The following GTF2F1 variants were observed in gnomAD, a reference collection of about 807,000 sequenced individuals.
GTF2F1 encodes the protein general transcription factor IIF 74 kDa subunit.
A neutral mutation model predicts 63.5 loss-of-function variants in GTF2F1; 39 were observed. The observed-to-expected ratio is 0.61, with a 90% CI of 0.48 to 0.80. GTF2F1 has a LOEUF of 0.80. Among genes scored for constraint, GTF2F1 ranks in the 30% least tolerant of loss-of-function variants. GTF2F1 has a pLI of 0.00. For missense variants in GTF2F1, 657 were observed against 718.3 expected (o/e 0.91, Z 0.97); for synonymous variants, 287 against 285.3 (o/e 1.01, Z -0.06).
intron 3 of GTF2F1, among the ~76,000 whole-genome samples, chr19:6,390,084 C>T (rs977609682): frequency 2.6e-5 from 4 of 152,164 alleles, no homozygotes; most frequent in African/African-American, 9.7e-5. Context: ...TGCTGTGGCT[C>T]ACACCTGTAA....
rs1448489564 is a variant in GTF2F1 at position 6,380,328 on chromosome 19, C to T, written c.1507G>A (p.Glu503Lys). The T allele has an allele frequency of 6.8e-6, 11 of 1,614,000 alleles. No individual in the cohort carries two copies. Among genetic ancestry groups the T allele is most frequent in the Admixed American group, 1.7e-5 (1 of 59,974 alleles). ...ATTTTGTCGTTGATCATCTTGCGCT[C>T]GGGGTTGAGTCGCTTGAGGATCTGG... is the stretch of plus-strand genomic sequence containing the variant. The part of the protein sequence containing the change: ...LAQILKRLNP[E>K]RKMINDKMHF... Residue 503 changes from glutamate to lysine, a missense_variant, in exon 13 of 13, where the codon GAG (glutamate) becomes AAG (lysine). Transcript: ENST00000394456. This position sits in a 1 kb window ranked among gnomAD's most constrained non-coding sequence, Gnocchi z 5.3.
chr19:6,385,186 G>A (rs1212903827), intron 5 of GTF2F1, among the ~76,000 whole-genome samples: 2 of 151,964 alleles, frequency 1.3e-5, no homozygotes, highest in African/African-American at 4.8e-5. Context: ...CTTGAGGCCA[G>A]GAGTTGGAGA....
At chr19:6,388,855 G>T (rs1363906099) in intron 4 of GTF2F1, among the ~76,000 whole-genome samples, 1 of 152,102 alleles carries the variant, frequency 6.6e-6, no homozygotes, top group Admixed American at 6.6e-5. Flanking sequence ...TGCTGAGGTG[G>T]GAAGATCTCG....
rs377485256 is a variant in GTF2F1, at chr19:6,381,236, G to C, written c.1019-41C>G. The stretch of plus-strand genomic sequence containing the variant: ...AAGGGGTCAGGGCCAGAGCAACCCC[G>C]GGACCCGGTGCCCACTGGTGCCTCC... On this transcript the variant is annotated intron_variant, in intron 9 of 12. Coordinates refer to ENST00000394456, the MANE Select transcript of GTF2F1 (RefSeq NM_002096.3). The surrounding 1 kb of genome is among the most constrained non-coding windows in gnomAD (Gnocchi z 4.1). 8 of 1,576,252 alleles carry C rather than the reference G, an allele frequency of 5.1e-6. No individual in the cohort carries two copies. Among genetic ancestry groups the C allele is most frequent in the Admixed American group, 3.7e-5 (2 of 53,992 alleles).
At chr19:6,385,269 T>C (rs1702600211) in intron 5 of GTF2F1, among the ~76,000 whole-genome samples, 1 of 151,218 alleles carries the variant, frequency 6.6e-6, no homozygotes, top group South Asian at 2.1e-4. Flanking sequence ...GAGGTGCACG[T>C]GTGTAGTCCC....
chr19:6,387,624 G>A lies in GTF2F1; in HGVS notation c.327-65C>T, dbSNP rs111231626. ...AGCCCCAGCCCCCCCGTGTCCCCCC[G>A]GGGCCTGCCTCCTTTATGGCACTTG... On this transcript the variant is annotated intron_variant, in intron 4 of 12. Transcript: ENST00000394456. The A allele has an allele frequency of 2.1e-3, 2,549 of 1,224,988 alleles. 74 individuals carry two copies. The African/African-American group carries it at 0.032, about 15-fold the overall frequency. 75.9% of individuals were successfully genotyped at this position (1,224,988 alleles called of 1,614,324 possible).
In GTF2F1 at chr19:6,387,388, CCT is replaced by C. The variant is rs1356008380; in HGVS notation, c.496_497del (p.Arg166GlufsTer25). 6.2e-7 allele frequency: 1 copy of C among 1,613,754 alleles called. No homozygotes were observed. Among genetic ancestry groups the C allele is most frequent in the Non-Finnish European group, 8.5e-7 (1 of 1,179,814 alleles). On this transcript the variant is annotated frameshift_variant and splice_region_variant, in exon 5 of 13. Transcript: ENST00000394456. LOFTEE classifies it high-confidence loss of function. ...TAEEAEEEWE[R>X]RNKVLNHFSI... ...CCCCAGCCACCACCCAGCCCACTCACCTCTCCCACTCCTCCTCGGCCTCCTCG... is the reference window on the plus strand; with the variant it reads ...CCCCAGCCACCACCCAGCCCACTCACCTCCCACTCCTCCTCGGCCTCCTCG...
chr19:6,384,461 T>C (rs892947668), intron 5 of GTF2F1, among the ~76,000 whole-genome samples: 7 of 151,536 alleles, frequency 4.6e-5, no homozygotes, highest in African/African-American at 1.7e-4. Context: ...TAAGCTAAGA[T>C]TGCCCCACAG....
rs201510017 is a variant in GTF2F1, at chr19:6,387,436, G to C, written c.450C>G (p.Ala150=). Residue 150 remains alanine, a synonymous_variant, in exon 5 of 13, where the codon GCC becomes GCG. Coordinates refer to ENST00000394456, the MANE Select transcript of GTF2F1 (RefSeq NM_002096.3). The part of the protein sequence containing the change: ...VHNWYNFTPL[A]RHRTLTAEEA... Reference sequence around the variant, plus strand: ...CCTCGGCAGTGAGCGTGCGATGCCGGGCCAGCGGTGTGAAATTGTACCAGT... The same window carrying C: ...CCTCGGCAGTGAGCGTGCGATGCCGCGCCAGCGGTGTGAAATTGTACCAGT... 458 of 1,614,124 alleles carry C rather than the reference G, an allele frequency of 2.8e-4. No homozygotes were observed. The highest frequency in any genetic ancestry group is 3.6e-4 in the Non-Finnish European group (425 of 1,180,040).
rs1488689433 is a variant in GTF2F1, at chr19:6,389,583, G to A, written c.187C>T (p.Pro63Ser). The A allele has an allele frequency of 6.2e-7, 1 of 1,614,162 alleles. No homozygotes were observed. Among genetic ancestry groups the A allele is most frequent in the Admixed American group, 1.7e-5 (1 of 60,024 alleles). The change falls in exon 4 of 13, where the codon CCC becomes TCC. Residue 63 changes from proline (P) to serine (S), a missense_variant. By Grantham distance (74) the Pro-to-Ser change is moderately conservative. Transcript: ENST00000394456. ...NKKIYQEEEM[P>S]ESGAGSEFNR... ...AACTCACTGCCCGCGCCCGATTCGG[G>A]CATCTCCTCCTCTTGGTAGATTTTC...
In GTF2F1 at chr19:6,380,655, A is replaced by G. The variant is rs1463712026; in HGVS notation, c.1267T>C (p.Leu423=). ...RVSEMPAAKR[L]RLDTGPQSLS... ...CTCTGGGGTCCCGTGTCCAGCCGCA[A>G]CCGCTTGGCTGCAGGCATCTCGCTC... is the stretch of plus-strand genomic sequence containing the variant. The change falls in exon 12 of 13, where the codon TTG becomes CTG. Residue 423 remains leucine (L), a synonymous_variant. Transcript: ENST00000394456. This position sits in a 1 kb window ranked among gnomAD's most constrained non-coding sequence, Gnocchi z 5.3. 1.9e-6 allele frequency: 3 copies of G among 1,613,370 alleles called. No homozygotes were observed. The highest frequency in any genetic ancestry group is 2.5e-6 in the Non-Finnish European group (3 of 1,179,984).
chr19:6,386,289 G>A (rs190628418), intron 5 of GTF2F1, among the ~76,000 whole-genome samples: 1 of 151,760 alleles, frequency 6.6e-6, no homozygotes, highest in East Asian at 2.0e-4. Flanking sequence ...TTGGGAGGCT[G>A]AGGCAGGAGA....
Position 6,380,338 on chromosome 19 carries a change from T to A in GTF2F1, c.1497A>T (p.Arg499=). The A allele has an allele frequency of 6.2e-7, 1 of 1,614,042 alleles. No individual in the cohort carries two copies. Among genetic ancestry groups the A allele is most frequent in the Non-Finnish European group, 8.5e-7 (1 of 1,180,010 alleles). ...TVNVLAQILK[R]LNPERKMIND... ...TGATCATCTTGCGCTCGGGGTTGAGTCGCTTGAGGATCTGGGCCAACACGT... is the reference window on the plus strand; with the variant it reads ...TGATCATCTTGCGCTCGGGGTTGAGACGCTTGAGGATCTGGGCCAACACGT... The change falls in exon 13 of 13, where the codon CGA becomes CGT. Residue 499 remains arginine, a synonymous_variant. Coordinates refer to ENST00000394456, the MANE Select transcript of GTF2F1 (RefSeq NM_002096.3). The surrounding 1 kb of genome is among the most constrained non-coding windows in gnomAD (Gnocchi z 5.3).
chr19:6,381,294 G>A lies in GTF2F1; in HGVS notation c.1018+65C>T, dbSNP rs756701087. The stretch of plus-strand genomic sequence containing the variant: ...ATGAGGGAGGCCTGCAGGGGAGAGG[G>A]GAGGAGGTGGCAGGGCGCCAGGGCC... On this transcript the variant is annotated intron_variant, in intron 9 of 12. Coordinates refer to ENST00000394456, the MANE Select transcript of GTF2F1 (RefSeq NM_002096.3). The surrounding 1 kb of genome is among the most constrained non-coding windows in gnomAD (Gnocchi z 4.1). 36 of 1,545,668 alleles carry A rather than the reference G, an allele frequency of 2.3e-5. No homozygotes were observed. In the South Asian group the frequency reaches 2.4e-4, roughly 10 times the overall value.
Position 6,381,493 on chromosome 19 carries a change from G to A in GTF2F1, c.899-15C>T, listed in dbSNP as rs375015426. Reference sequence around the variant, plus strand: ...CTCATCGACACCTGGGAGGGGCAGGGTATGAGCAAGAGCAGGGAAGCACCG... The same window carrying A: ...CTCATCGACACCTGGGAGGGGCAGGATATGAGCAAGAGCAGGGAAGCACCG... On this transcript the variant is annotated splice_polypyrimidine_tract_variant and intron_variant, in intron 8 of 12. Coordinates refer to ENST00000394456, the MANE Select transcript of GTF2F1 (RefSeq NM_002096.3). The surrounding 1 kb of genome is among the most constrained non-coding windows in gnomAD (Gnocchi z 4.1). 13 of 1,608,148 alleles carry A rather than the reference G, an allele frequency of 8.1e-6. No homozygotes were observed. The African/African-American group carries it at 1.6e-4, about 20-fold the overall frequency.
In GTF2F1 at chr19:6,393,094, C is replaced by A. The variant is rs534680549; in HGVS notation, c.-99G>T. On this transcript the variant is annotated 5_prime_UTR_variant, in exon 1 of 13. Coordinates refer to ENST00000394456, the MANE Select transcript of GTF2F1 (RefSeq NM_002096.3). Reference sequence around the variant, plus strand: ...TCCCGGGGAAGCCGCCGCTCGGTGTCGGGTCTCTGTGCCTGAGCGAGGACC... The same window carrying A: ...TCCCGGGGAAGCCGCCGCTCGGTGTAGGGTCTCTGTGCCTGAGCGAGGACC... 6.6e-7 allele frequency: 1 copy of A among 1,519,914 alleles called. No homozygotes were observed. Among genetic ancestry groups the A allele is most frequent in the East Asian group, 2.3e-5 (1 of 44,218 alleles). 94.2% of individuals were successfully genotyped at this position (1,519,914 alleles called of 1,614,324 possible). A position where few individuals can be genotyped will look rare whatever the true frequency, so the allele number is the denominator to read the frequency against.
chr19:6,386,247 G>A (rs1264676634), intron 5 of GTF2F1, among the ~76,000 whole-genome samples: 1 of 151,810 alleles, frequency 6.6e-6, no homozygotes, highest in African/African-American at 2.4e-5. Flanking sequence ...AGCCAGGCGT[G>A]GTGGTGCATG....
In GTF2F1 at chr19:6,380,573, C is replaced by G; in HGVS notation, c.1349G>C (p.Gly450Ala). ...CCCCCTGCTGTCCTCGTCAACTTAC[C>G]CGCTGTTGGGTGTTGTCTTGCCTGA... ...PPSGKTTPNS[G>A]DVQVTEDAVR... The change falls in exon 12 of 13, where the codon GGC becomes GCC. Residue 450 changes from glycine (G) to alanine (A), a missense_variant and splice_region_variant. This residue lies in a region of GTF2F1 where 602 missense variants were observed against 625.6 expected (regional missense o/e 0.96). Transcript: ENST00000394456. The surrounding 1 kb of genome is among the most constrained non-coding windows in gnomAD (Gnocchi z 5.3). 6.2e-7 allele frequency: 1 copy of G among 1,613,888 alleles called. No individual in the cohort carries two copies. The highest frequency in any genetic ancestry group is 8.5e-7 in the Non-Finnish European group (1 of 1,179,846).
rs2091944597 is a variant in GTF2F1 at position 6,380,863 on chromosome 19, T to C, written c.1231+41A>G. 1 of 1,521,960 alleles carries C rather than the reference T, an allele frequency of 6.6e-7. No individual in the cohort carries two copies. Among genetic ancestry groups the C allele is most frequent in the Non-Finnish European group, 8.8e-7 (1 of 1,138,256 alleles). 94.3% of individuals were successfully genotyped at this position (1,521,960 alleles called of 1,614,324 possible). On this transcript the variant is annotated intron_variant, in intron 11 of 12. Coordinates refer to ENST00000394456, the MANE Select transcript of GTF2F1 (RefSeq NM_002096.3). This position sits in a 1 kb window ranked among gnomAD's most constrained non-coding sequence, Gnocchi z 5.3. Reference sequence around the variant, plus strand: ...AGCCCCAACAGAGGTCAGGAGGCTGTGGCTGTGGCTGTGGGGAGCGGGGAG... The same window carrying C: ...AGCCCCAACAGAGGTCAGGAGGCTGCGGCTGTGGCTGTGGGGAGCGGGGAG...
Sources: allele counts gnomAD v4.1 joint callset (sites outside exome capture counted in the v4.1 genomes callset), GRCh38; gene constraint gnomAD v4.1.1; regional missense constraint gnomAD v4.1.1; non-coding constraint Gnocchi (gnomAD v3.1); transcripts MANE v1.5; gene names NCBI Gene and HGNC (gene_info 2026-07-23, HGNC 2026-07-21).